COL26A1: variants seen among roughly 807,000 people sequenced by gnomAD.
The protein encoded by COL26A1 is collagen alpha-1(XXVI) chain.
A neutral mutation model predicts 59.3 loss-of-function variants in COL26A1; 41 were observed. The ratio of observed to expected loss-of-function variants is 0.69; its 90% CI spans 0.54 to 0.90. The LOEUF (loss-of-function observed/expected upper bound fraction) is 0.90. COL26A1 is among the 40% of genes least tolerant of loss of function. COL26A1 has a pLI of 0.00. For missense variants in COL26A1, 612 were observed against 602.3 expected, an observed-to-expected ratio of 1.02 and a Z score of -0.17; for synonymous variants, 266 against 256.0, an observed-to-expected ratio of 1.04 and a Z score of -0.37.
At position 101,499,836 on chromosome 7, in the gene COL26A1, C is replaced by T. The variant is rs376774944; in HGVS notation, c.386-33246C>T. On this transcript the variant is annotated intron_variant, in intron 3 of 12. Transcript: ENST00000313669. Reference sequence around the variant, plus strand: ...AGGCTGCAGTGAGCCATGTTGTTCACATCACTGCACTCCAACCTGGGTGAT... The same window carrying T: ...AGGCTGCAGTGAGCCATGTTGTTCATATCACTGCACTCCAACCTGGGTGAT... Among the ~76,000 whole-genome samples the T allele has an allele frequency of 2.0e-5, 3 of 149,146 alleles. No individual in the cohort carries two copies. The East Asian group carries it at 5.9e-4, about 29-fold the overall frequency.
intron 3 of COL26A1, among the ~76,000 whole-genome samples, chr7:101,512,641 C>A (rs947286867): frequency 2.0e-5 from 3 of 152,048 alleles, no homozygotes; most frequent in Non-Finnish European, 4.4e-5. Context: ...GAAACAAAAC[C>A]TTGGCCTCTA....
intron 1 of COL26A1, among the ~76,000 whole-genome samples, chr7:101,397,796 C>A (rs911734027): frequency 2.0e-5 from 3 of 152,284 alleles, no homozygotes; most frequent in South Asian, 2.1e-4. Context: ...CCTCAGCCCC[C>A]CAAGGTGCTG....
At chr7:101,391,713 C>T (rs761578883) in intron 1 of COL26A1, among the ~76,000 whole-genome samples, 20 of 152,066 alleles carry the variant, frequency 1.3e-4, no homozygotes, top group Non-Finnish European at 2.2e-4. Flanking sequence ...TGCCACCACG[C>T]CCGGCTAATT....
chr7:101,482,543 T>A (rs1359898728), intron 3 of COL26A1, among the ~76,000 whole-genome samples: 2 of 152,196 alleles, frequency 1.3e-5, no homozygotes, highest in Admixed American at 1.3e-4. Flanking sequence ...TGCAGGATAT[T>A]GTAATAGTCA....
chr7:101,480,922 G>T (rs1794142021), intron 3 of COL26A1, among the ~76,000 whole-genome samples: 1 of 152,138 alleles, frequency 6.6e-6, no homozygotes, highest in African/African-American at 2.4e-5. Flanking sequence ...AAGCAGTCCG[G>T]ATTGTGGAAC....
chr7:101,434,089 C>CCTCCCTCTCT (rs1562976967), intron 2 of COL26A1, among the ~76,000 whole-genome samples: 1 of 94,234 alleles, frequency 1.1e-5, no homozygotes, highest in African/African-American at 5.6e-5. Flanking sequence ...TCCCTCCCTC[C>CCTCCCTCTCT]CTCTTTCTTT....
intron 3 of COL26A1, among the ~76,000 whole-genome samples, chr7:101,522,763 C>T (rs1795163823): frequency 6.6e-6 from 1 of 151,880 alleles, no homozygotes; most frequent in South Asian, 2.1e-4. Context: ...ATTGATACTC[C>T]CACCCGCAGT....
rs58432413 is a variant in COL26A1, at chr7:101,429,589, C to CTTTTTTTTTTTTTTTT, written c.281+9496_281+9511dup. 1.0e-3 allele frequency among the ~76,000 whole-genome samples: 81 copies of CTTTTTTTTTTTTTTTT among 78,690 alleles called. 2 individuals are homozygous for CTTTTTTTTTTTTTTTT. The highest frequency in any genetic ancestry group is 1.4e-3 in the Non-Finnish European group (61 of 42,314). 51.6% of individuals were successfully genotyped at this position (78,690 alleles called of 152,430 possible). ...ATTCTTTTTTTTCCTTTCTTTTTTA[C>CTTTTTTTTTTTTTTTT]TTTTTTTTTTTTTTTTTTTTTGAGA... On this transcript the variant is annotated intron_variant, in intron 2 of 12. Coordinates refer to ENST00000313669, the MANE Select transcript of COL26A1 (RefSeq NM_001278563.3).
intron 3 of COL26A1, among the ~76,000 whole-genome samples, chr7:101,528,439 C>G (rs974230507): frequency 1.1e-4 from 16 of 152,230 alleles, no homozygotes; most frequent in African/African-American, 3.6e-4. Flanking sequence ...CCTCCTCTTC[C>G]CTCAGGCCCC....
intron 2 of COL26A1, among the ~76,000 whole-genome samples, chr7:101,445,216 T>C (rs1049549882): frequency 3.9e-5 from 6 of 152,188 alleles, no homozygotes; most frequent in African/African-American, 1.4e-4. Context: ...TATTGCACAG[T>C]GGTGAAGTCA....
At chr7:101,405,244 A>G (rs34895220) in intron 1 of COL26A1, among the ~76,000 whole-genome samples, 27,821 of 150,904 alleles carry the variant, frequency 0.18, 2,913 homozygotes, top group Non-Finnish European at 0.24. Context: ...AAAAAAAATT[A>G]TACTTTATAA....
chr7:101,445,902 G>A (rs1258600354), intron 2 of COL26A1, among the ~76,000 whole-genome samples: 2 of 151,048 alleles, frequency 1.3e-5, no homozygotes, highest in Admixed American at 6.6e-5. Flanking sequence ...ACAAAAATTA[G>A]CTGAGAGTGG....
intron 3 of COL26A1, among the ~76,000 whole-genome samples, chr7:101,501,862 C>T (rs762636561): frequency 6.6e-6 from 1 of 151,974 alleles, no homozygotes; most frequent in Non-Finnish European, 1.5e-5. Flanking sequence ...AGTTTGTGTG[C>T]GTGTGTGTGC....
At chr7:101,501,325 G>A (rs894464698) in intron 3 of COL26A1, among the ~76,000 whole-genome samples, 1 of 151,072 alleles carries the variant, frequency 6.6e-6, no homozygotes, top group African/African-American at 2.4e-5. Flanking sequence ...TAGGAGACAC[G>A]CACACATCCC....
chr7:101,440,408 C>T (rs928234683), intron 2 of COL26A1, among the ~76,000 whole-genome samples: 2 of 152,134 alleles, frequency 1.3e-5, no homozygotes, highest in African/African-American at 2.4e-5. Flanking sequence ...CCCAACTGGA[C>T]CCTAGCGGCA....
In COL26A1 at chr7:101,489,663, T is replaced by G. The variant is rs867182307; in HGVS notation, c.385+41876T>G. Among the ~76,000 whole-genome samples, 87 of 51,738 alleles carry G rather than the reference T, an allele frequency of 1.7e-3. 7 individuals carry two copies. Among genetic ancestry groups the G allele is most frequent in the African/African-American group, 6.5e-3 (32 of 4,910 alleles). The allele number at this position is 51,738 out of a possible 152,430, so 33.9% of individuals were successfully genotyped here. The stretch of plus-strand genomic sequence containing the variant: ...TTTCTTTCTTTCTTTCTTTCTTTCT[T>G]CCTTCCTTCCTTCCTTCCTTTCTTT... On this transcript the variant is annotated intron_variant, in intron 3 of 12. Coordinates refer to ENST00000313669, the MANE Select transcript of COL26A1 (RefSeq NM_001278563.3).
At chr7:101,387,771 TA>T (rs1189852213) in intron 1 of COL26A1, among the ~76,000 whole-genome samples, 1,681 of 52,074 alleles carry the variant, frequency 0.032, 67 homozygotes, top group African/African-American at 0.084. Flanking sequence ...TATATATATA[TA>T]TATATATTTT....
chr7:101,387,755 TATATATATATATA>T lies in COL26A1; in HGVS notation c.158+24566_158+24578del, dbSNP rs1791618945. Reference sequence around the variant, plus strand: ...ATATAATTATATATATATATATATTTATATATATATATATATATATATATTTTTTTTTAAGACA... The same window carrying T: ...ATATAATTATATATATATATATATTTTATATATATATTTTTTTTTAAGACA... On this transcript the variant is annotated intron_variant, in intron 1 of 12. Coordinates refer to ENST00000313669, the MANE Select transcript of COL26A1 (RefSeq NM_001278563.3). Among the ~76,000 whole-genome samples the T allele has an allele frequency of 1.7e-4, 9 of 53,244 alleles. 1 individual carries two copies. The highest frequency in any genetic ancestry group is 5.3e-4 in the African/African-American group (8 of 15,172). The allele number at this position is 53,244 out of a possible 152,430, so 34.9% of individuals were successfully genotyped here.
At chr7:101,517,320 T>C (rs1002606485) in intron 3 of COL26A1, among the ~76,000 whole-genome samples, 3 of 152,138 alleles carry the variant, frequency 2.0e-5, no homozygotes, top group African/African-American at 7.2e-5. Flanking sequence ...TGCCCATCTG[T>C]ATTGGTCCGT....
Sources: gnomAD v4.1 joint callset for allele counts (sites outside exome capture counted in the v4.1 genomes callset) on GRCh38, gnomAD v4.1.1 for gene constraint, MANE v1.5 for transcripts, NCBI Gene and HGNC (gene_info 2026-07-23, HGNC 2026-07-21) for gene names.